Variants in CNTN4 observed in about 807,000 individuals in gnomAD.
CNTN4 encodes contactin 4.
A neutral mutation model predicts 122.5 loss-of-function variants in CNTN4; 77 were observed. The ratio of observed to expected loss-of-function variants is 0.63; its 90% CI spans 0.52 to 0.76. CNTN4 has a LOEUF of 0.76. Among genes scored for constraint, CNTN4 ranks in the 30% least tolerant of loss-of-function variants. The probability of loss-of-function intolerance (pLI) is 0.00; values close to 1 mark genes in which losing one functional copy is unlikely to be tolerated. For missense variants in CNTN4, 1,256 were observed against 1,259.1 expected (o/e 1.00, Z 0.04); for synonymous variants, 512 against 447.0 (o/e 1.15, Z -1.83).
At chr3:2,958,424 C>A (rs986545991) in intron 13 of CNTN4, among the ~76,000 whole-genome samples, 2 of 152,168 alleles carry the variant, frequency 1.3e-5, no homozygotes, top group Non-Finnish European at 2.9e-5. Context: ...TGGCATAACT[C>A]AGTTTATTGA....
chr3:2,204,184 T>A (rs1351673576), intron 2 of CNTN4, among the ~76,000 whole-genome samples: 1 of 152,154 alleles, frequency 6.6e-6, no homozygotes, highest in Non-Finnish European at 1.5e-5. Context: ...AGGTAACTTT[T>A]AAGATCTTTG....
At chr3:2,223,258 G>T (rs1407133890) in intron 2 of CNTN4, among the ~76,000 whole-genome samples, 1 of 152,158 alleles carries the variant, frequency 6.6e-6, no homozygotes, top group Non-Finnish European at 1.5e-5. Context: ...CAGTTGCCCT[G>T]TGGGTGTCCG....
chr3:2,340,685 T>TTATATATATATATATATATATATATA (rs373402290), intron 3 of CNTN4, among the ~76,000 whole-genome samples: 1 of 29,618 alleles, frequency 3.4e-5, no homozygotes, highest in African/African-American at 7.7e-5. Context: ...GTCATAAATT[T>TTATATATATATATATATATATATATA]TATATATATA....
At chr3:2,328,397 C>T (rs1343745358) in intron 2 of CNTN4, among the ~76,000 whole-genome samples, 3 of 152,066 alleles carry the variant, frequency 2.0e-5, no homozygotes, top group Non-Finnish European at 4.4e-5. Context: ...CAGAGCGAGA[C>T]TCCGTCTCAA....
chr3:2,818,294 T>C (rs1416961408), intron 6 of CNTN4, among the ~76,000 whole-genome samples: 1 of 152,260 alleles, frequency 6.6e-6, no homozygotes, highest in Admixed American at 6.5e-5. Context: ...TGTAACTTTT[T>C]AAATATCCTT....
chr3:2,524,802 A>C (rs898673035), intron 3 of CNTN4, among the ~76,000 whole-genome samples: 1 of 152,134 alleles, frequency 6.6e-6, no homozygotes, highest in Non-Finnish European at 1.5e-5. Flanking sequence ...TCTGCTTATT[A>C]AGACCATGAT....
At position 2,163,213 on chromosome 3, in the gene CNTN4, A is replaced by G. The variant is rs370125993; in HGVS notation, c.-145+62574A>G. 9.2e-5 allele frequency among the ~76,000 whole-genome samples: 14 copies of G among 152,338 alleles called. No individual in the cohort carries two copies. The South Asian group carries it at 1.0e-3, about 11-fold the overall frequency. ...AAATAAAGCCAAATACTCATAGCCA[A>G]CTGATCTTCAACAAAGCATACAAAA... On this transcript the variant is annotated intron_variant, in intron 2 of 24. Transcript: ENST00000418658.
chr3:3,009,589 A>G (rs57983104), intron 14 of CNTN4, among the ~76,000 whole-genome samples: 95,273 of 150,676 alleles, frequency 0.63, 30,535 homozygotes, highest in Middle Eastern at 0.74. Flanking sequence ...GCCCGCCACC[A>G]CGCCCGGCTA....
chr3:2,631,886 AAAC>A (rs1015178962), intron 4 of CNTN4, among the ~76,000 whole-genome samples: 3,100 of 139,550 alleles, frequency 0.022, 165 homozygotes, highest in African/African-American at 0.061. Flanking sequence ...AAACAAAAAA[AAAC>A]AACAACTAAA....
At chr3:2,317,163 ATGTC>A (rs1214080895) in intron 2 of CNTN4, among the ~76,000 whole-genome samples, 105 of 152,338 alleles carry the variant, frequency 6.9e-4, no homozygotes, top group African/African-American at 2.3e-3. Context: ...CACACTGTAA[ATGTC>A]TGTATAAATG....
intron 6 of CNTN4, among the ~76,000 whole-genome samples, chr3:2,760,536 T>G (rs1399571135): frequency 2.0e-5 from 3 of 152,170 alleles, no homozygotes; most frequent in Non-Finnish European, 4.4e-5. Context: ...TTTCATTCCA[T>G]TGATTTATAT....
intron 13 of CNTN4, among the ~76,000 whole-genome samples, chr3:2,978,216 C>CCACTG (rs1185888124): frequency 6.6e-6 from 1 of 152,186 alleles, no homozygotes; most frequent in Non-Finnish European, 1.5e-5. Flanking sequence ...TCGTCCCCTC[C>CCACTG]CACTGCATTG....
At chr3:2,367,351 T>G (rs938182012) in intron 3 of CNTN4, among the ~76,000 whole-genome samples, 2 of 152,170 alleles carry the variant, frequency 1.3e-5, no homozygotes, top group African/African-American at 4.8e-5. Context: ...TTTGTAAGAT[T>G]AAACTGCCCA....
intron 4 of CNTN4, among the ~76,000 whole-genome samples, chr3:2,612,107 TACACACACACACACACAC>T (rs58025362): frequency 0.22 from 33,012 of 150,184 alleles, 3,969 homozygotes; most frequent in Admixed American, 0.31. Flanking sequence ...ATACATATAA[TACACACACACACACACAC>T]ACACACACAC....
intron 2 of CNTN4, among the ~76,000 whole-genome samples, chr3:2,303,962 T>G (rs960663173): frequency 6.6e-6 from 1 of 152,230 alleles, no homozygotes; most frequent in Non-Finnish European, 1.5e-5. Flanking sequence ...CTTTGGATTT[T>G]TCATTTTCAA....
Position 2,954,193 on chromosome 3 carries a change from C to A in CNTN4, c.1358+28414C>A, listed in dbSNP as rs114849998. On this transcript the variant is annotated intron_variant, in intron 13 of 24. Transcript: ENST00000418658. Reference sequence around the variant, plus strand: ...CTTATCTTGATTGCCTAGACATCACCCAGCATCCTCTGACGCCTCTGCTTG... The same window carrying A: ...CTTATCTTGATTGCCTAGACATCACACAGCATCCTCTGACGCCTCTGCTTG... Among the ~76,000 whole-genome samples the A allele has an allele frequency of 6.2e-3, 946 of 152,248 alleles. 9 individuals are homozygous for A. The highest frequency in any genetic ancestry group is 0.021 in the African/African-American group (853 of 41,552).
At chr3:2,834,463 G>A (rs1576988942) in intron 7 of CNTN4, among the ~76,000 whole-genome samples, 2 of 152,164 alleles carry the variant, frequency 1.3e-5, no homozygotes, top group South Asian at 4.2e-4. Context: ...CTACTTGGGA[G>A]GCTTGAGGCA....
At chr3:2,462,168 C>G (rs980114964) in intron 3 of CNTN4, among the ~76,000 whole-genome samples, 3 of 152,128 alleles carry the variant, frequency 2.0e-5, no homozygotes, top group Admixed American at 6.5e-5. Context: ...TTATAACACA[C>G]CATCAGTGGC....
intron 14 of CNTN4, chr3:2,999,125 A>G (rs1278784774): frequency 1.3e-5 from 2 of 152,208 alleles, no homozygotes; most frequent in Non-Finnish European, 2.9e-5. Flanking sequence ...AGATCTGTAA[A>G]TAAATATCCT....
Sources: allele counts gnomAD v4.1 joint callset (sites outside exome capture counted in the v4.1 genomes callset), GRCh38; gene constraint gnomAD v4.1.1; transcripts MANE v1.5; gene names NCBI Gene and HGNC (gene_info 2026-07-23, HGNC 2026-07-21).